PCNX1: variants seen among roughly 807,000 people sequenced by gnomAD.
PCNX1 encodes pecanex 1, also known as pecanex-like protein 1.
In PCNX1, 78 loss-of-function variants were observed where a neutral mutation model predicts 242.2. That is an observed-to-expected ratio of 0.32 (90% CI 0.27 to 0.39). The LOEUF is 0.39. PCNX1 is among the 10% of genes least tolerant of loss of function. PCNX1 has a pLI of 1.00. For missense variants in PCNX1, 2,581 were observed against 2,856.5 expected, an observed-to-expected ratio of 0.90 and a Z score of 2.20; for synonymous variants, 1,024 against 1,032.9, an observed-to-expected ratio of 0.99 and a Z score of 0.17.
intron 26 of PCNX1, among the ~76,000 whole-genome samples, chr14:71,065,834 C>G (rs1403623229): frequency 2.6e-5 from 4 of 152,306 alleles, no homozygotes; most frequent in South Asian, 4.1e-4. Context: ...CTGCATATGG[C>G]TAGCCAGTTT....
intron 13 of PCNX1, among the ~76,000 whole-genome samples, chr14:71,025,579 A>G (rs978090026): frequency 2.6e-5 from 4 of 152,102 alleles, no homozygotes; most frequent in African/African-American, 9.7e-5. Flanking sequence ...ACGTATATAC[A>G]TATATATTAC....
chr14:70,981,215 C>T (rs535917830), intron 6 of PCNX1, among the ~76,000 whole-genome samples: 2 of 152,254 alleles, frequency 1.3e-5, no homozygotes, highest in Admixed American at 6.5e-5. Flanking sequence ...TAAATGCTTA[C>T]TAGTGCTGCT....
intron 2 of PCNX1, among the ~76,000 whole-genome samples, chr14:70,959,373 TC>T (rs1282742849): frequency 1.0e-5 from 1 of 100,094 alleles, no homozygotes; most frequent in African/African-American, 3.9e-5. Context: ...ATGCTATCCC[TC>T]CCCCCTCCCC....
intron 1 of PCNX1, among the ~76,000 whole-genome samples, chr14:70,912,032 C>G (rs2055935820): frequency 6.6e-6 from 1 of 151,926 alleles, no homozygotes; most frequent in South Asian, 2.1e-4. Context: ...TCAGGAGATC[C>G]AGACCATCCT....
chr14:70,987,176 A>G (rs910115789), intron 6 of PCNX1, among the ~76,000 whole-genome samples: 3 of 152,152 alleles, frequency 2.0e-5, no homozygotes, highest in Admixed American at 2.0e-4. Context: ...AAAGTATGTA[A>G]TGTGCCTTGT....
chr14:70,989,710 G>T (rs2059105905), intron 7 of PCNX1, among the ~76,000 whole-genome samples: 1 of 151,754 alleles, frequency 6.6e-6, no homozygotes, highest in African/African-American at 2.4e-5. Context: ...TTATATTATT[G>T]TAGAGACAGG....
chr14:70,948,382 C>T (rs1368002837), intron 2 of PCNX1, among the ~76,000 whole-genome samples: 4 of 152,084 alleles, frequency 2.6e-5, no homozygotes, highest in Non-Finnish European at 5.9e-5. Context: ...GACCGGCCAA[C>T]ACTTAGGGAA....
At chr14:70,964,525 A>C (rs933034423) in intron 3 of PCNX1, among the ~76,000 whole-genome samples, 4 of 152,168 alleles carry the variant, frequency 2.6e-5, no homozygotes, top group Non-Finnish European at 5.9e-5. Flanking sequence ...TTGTATTCTT[A>C]ATTAACCCTG....
chr14:70,936,274 T>C (rs943773910), intron 1 of PCNX1, among the ~76,000 whole-genome samples: 1 of 150,694 alleles, frequency 6.6e-6, no homozygotes, highest in Non-Finnish European at 1.5e-5. Flanking sequence ...TTGCTATCGC[T>C]CCTCCCTCCC....
intron 26 of PCNX1, among the ~76,000 whole-genome samples, chr14:71,072,679 G>C (rs999667662): frequency 3.3e-5 from 5 of 152,132 alleles, no homozygotes; most frequent in African/African-American, 2.4e-5. Flanking sequence ...GTACAGTTAA[G>C]TATGATTACT....
intron 1 of PCNX1, among the ~76,000 whole-genome samples, chr14:70,915,074 T>C (rs1231172059): frequency 2.0e-5 from 3 of 152,210 alleles, no homozygotes; most frequent in South Asian, 2.1e-4. Context: ...GTGGTTGAGA[T>C]TAATCCATGG....
chr14:71,052,285 A>G (rs979671285), intron 24 of PCNX1, among the ~76,000 whole-genome samples: 3 of 150,096 alleles, frequency 2.0e-5, no homozygotes, highest in Admixed American at 1.3e-4. Flanking sequence ...GTCTCTGCTC[A>G]CTGCAACCTC....
At chr14:71,032,064 A>AAGAG in intron 16 of PCNX1, 1 of 687,542 alleles carries the variant, frequency 1.5e-6, no homozygotes. Context: ...GACAAAGAAG[A>AAGAG]AGAGAGAGAG....
chr14:71,068,403 T>C (rs8011587), intron 26 of PCNX1, among the ~76,000 whole-genome samples: 21,148 of 149,204 alleles, frequency 0.14, 2,092 homozygotes, highest in African/African-American at 0.27. Flanking sequence ...TATGTATACG[T>C]ATATATATGT....
rs777788990 is a variant in PCNX1 at position 70,978,336 on chromosome 14, G to A, written c.1999G>A (p.Glu667Lys). Reference sequence around the variant, plus strand: ...CACACACAAAGCTCATTTGGTTCCTGAAGGAACCAGCAAAAAGCGTGCAAC... The same window carrying A: ...CACACACAAAGCTCATTTGGTTCCTAAAGGAACCAGCAAAAAGCGTGCAAC... ...EHTHKAHLVPEGTSKKRATRR... is the reference protein window; with the variant it reads ...EHTHKAHLVPKGTSKKRATRR... The change falls in exon 6 of 36, where the codon GAA becomes AAA. Residue 667 changes from glutamate to lysine, a missense_variant. Glu to Lys is a moderately conservative substitution (Grantham distance 56, BLOSUM62 1). This residue lies in a region of PCNX1 where 1,204 missense variants were observed against 1,216.7 expected (regional missense o/e 0.99). Coordinates refer to ENST00000304743, the MANE Select transcript of PCNX1 (RefSeq NM_014982.3). The A allele has an allele frequency of 1.2e-6, 2 of 1,614,076 alleles. No individual in the cohort carries two copies. The highest frequency in any genetic ancestry group is 8.5e-7 in the Non-Finnish European group (1 of 1,179,944).
chr14:71,031,352 A>G (rs939671208), intron 16 of PCNX1, among the ~76,000 whole-genome samples: 2 of 152,208 alleles, frequency 1.3e-5, no homozygotes, highest in African/African-American at 4.8e-5. Context: ...ACAGGTGTGC[A>G]GGTACAAGGC....
Position 70,977,698 on chromosome 14 carries a change from T to C in PCNX1, c.1361T>C (p.Ile454Thr), listed in dbSNP as rs563711716. The C allele has an allele frequency of 2.4e-5, 39 of 1,613,986 alleles. No homozygotes were observed. The highest frequency in any genetic ancestry group is 3.0e-5 in the Non-Finnish European group (35 of 1,179,996). The change falls in exon 6 of 36, where the codon ATT becomes ACT. Residue 454 changes from isoleucine (I) to threonine (T), a missense_variant. Coordinates refer to ENST00000304743, the MANE Select transcript of PCNX1 (RefSeq NM_014982.3). ...GACAAAAGGACTAGCAGTGAAAAGA[T>C]TGCTATGGAAGCGAGTACCAACAGT... ...ASDKRTSSEK[I>T]AMEASTNSGV...
At chr14:71,041,674 C>G (rs2060708726) in intron 19 of PCNX1, among the ~76,000 whole-genome samples, 1 of 151,814 alleles carries the variant, frequency 6.6e-6, no homozygotes, top group African/African-American at 2.4e-5. Flanking sequence ...ATTGTTTGTT[C>G]ATTTTAATTT....
chr14:71,047,029 A>G lies in PCNX1; in HGVS notation c.4084A>G (p.Ile1362Val). The change falls in exon 21 of 36, where the codon ATC becomes GTC. Residue 1362 changes from isoleucine (I) to valine (V), a missense_variant. Ile to Val is a conservative substitution (Grantham distance 29). Around this residue, in one of 9 missense-constraint regions of PCNX1, gnomAD observed 432 missense variants for 443.1 expected, o/e 0.97. Transcript: ENST00000304743. Reference protein sequence around the residue: ...VWLLFVEKNIIYPLIVLNELS... With the variant: ...VWLLFVEKNIVYPLIVLNELS... Reference sequence around the variant, plus strand: ...GCTTCTTTTTGTGGAGAAGAATATAATCTATCCATTGATTGTTCTCAATGA... The same window carrying G: ...GCTTCTTTTTGTGGAGAAGAATATAGTCTATCCATTGATTGTTCTCAATGA... The G allele has an allele frequency of 6.2e-7, 1 of 1,610,896 alleles. No individual in the cohort carries two copies. The highest frequency in any genetic ancestry group is 8.5e-7 in the Non-Finnish European group (1 of 1,177,740).
Sources: gnomAD v4.1 joint callset for allele counts (sites outside exome capture counted in the v4.1 genomes callset) on GRCh38, gnomAD v4.1.1 for gene constraint, gnomAD v4.1.1 regional missense constraint, MANE v1.5 for transcripts, NCBI Gene and HGNC (gene_info 2026-07-23, HGNC 2026-07-21) for gene names.